The following RBFOX1 variants were observed in gnomAD, a reference collection of about 807,000 sequenced individuals.
The protein encoded by RBFOX1 is RNA binding fox-1 homolog 1.
Under a neutral mutation model 57.7 loss-of-function variants are expected in RBFOX1, and 8 were observed. The observed-to-expected ratio is 0.14, with a 90% CI of 0.08 to 0.25. The LOEUF is 0.25. Among genes scored for constraint, RBFOX1 ranks in the 10% least tolerant of loss-of-function variants. The pLI is 1.00. For missense variants in RBFOX1, 611 were observed against 548.5 expected (o/e 1.11, Z -1.14); for synonymous variants, 326 against 222.4 (o/e 1.47, Z -4.15).
At chr16:5,242,548 G>C (rs571112868) in intron 1 of RBFOX1, among the ~76,000 whole-genome samples, 1 of 152,312 alleles carries the variant, frequency 6.6e-6, no homozygotes, top group African/African-American at 2.4e-5. Flanking sequence ...GTGAGAATCA[G>C]CAGCGATTTC....
intron 3 of RBFOX1, among the ~76,000 whole-genome samples, chr16:5,718,193 G>A (rs1275489449): frequency 1.3e-5 from 2 of 152,198 alleles, no homozygotes; most frequent in African/African-American, 4.8e-5. Context: ...CTTTAAGCTT[G>A]TGCTCAACAG....
At chr16:5,958,667 A>C (rs899370388) in intron 4 of RBFOX1, among the ~76,000 whole-genome samples, 19 of 152,230 alleles carry the variant, frequency 1.2e-4, no homozygotes, top group Admixed American at 8.5e-4. Flanking sequence ...ATTCTCTTAC[A>C]GATCTGGACG....
intron 2 of RBFOX1, among the ~76,000 whole-genome samples, chr16:6,550,526 A>G (rs758585010): frequency 1.2e-4 from 19 of 152,014 alleles, no homozygotes; most frequent in Admixed American, 5.2e-4. Flanking sequence ...GGGTTTCATG[A>G]TGTTGACCAA....
rs2095029828 is a variant in RBFOX1 at position 6,019,694 on chromosome 16, T to C, written c.-425T>C. 2.2e-6 allele frequency: 3 copies of C among 1,340,730 alleles called. No individual in the cohort carries two copies. Among genetic ancestry groups the C allele is most frequent in the Admixed American group, 3.4e-5 (1 of 29,606 alleles). The allele number at this position is 1,340,730 out of a possible 1,614,324, so 83.1% of individuals were successfully genotyped here. ...CGGAGCAGGAGAACTCCGAGCTTCT[T>C]GCCCAGGCAGAGAGAGCAGGAGCGG... On this transcript the variant is annotated 5_prime_UTR_variant, in exon 1 of 16. Coordinates refer to ENST00000550418, the MANE Select transcript of RBFOX1 (RefSeq NM_018723.4). The surrounding 1 kb of genome is among the most constrained non-coding windows in gnomAD (Gnocchi z 4.2).
At chr16:5,327,047 G>A (rs2064596332) in intron 1 of RBFOX1, among the ~76,000 whole-genome samples, 1 of 152,214 alleles carries the variant, frequency 6.6e-6, no homozygotes, top group Non-Finnish European at 1.5e-5. Flanking sequence ...GCCAGAAAAT[G>A]CTATGGGAAA....
chr16:6,756,590 A>T (rs890364132), intron 3 of RBFOX1, among the ~76,000 whole-genome samples: 3 of 152,200 alleles, frequency 2.0e-5, no homozygotes, highest in African/African-American at 7.2e-5. Context: ...AGAATATATG[A>T]CAAGGAACAC....
At chr16:5,589,143 C>A (rs2046926972) in intron 2 of RBFOX1, among the ~76,000 whole-genome samples, 1 of 152,324 alleles carries the variant, frequency 6.6e-6, no homozygotes, top group East Asian at 1.9e-4. Flanking sequence ...TTTCCCCAAT[C>A]TGCTGGGTCC....
At chr16:5,458,382 G>A (rs1011506330) in intron 1 of RBFOX1, among the ~76,000 whole-genome samples, 1 of 152,122 alleles carries the variant, frequency 6.6e-6, no homozygotes, top group East Asian at 1.9e-4. Flanking sequence ...GGTGTAGCCG[G>A]GAGGGCACCA....
chr16:6,150,391 G>A (rs2096789279), intron 1 of RBFOX1, among the ~76,000 whole-genome samples: 1 of 152,024 alleles, frequency 6.6e-6, no homozygotes, highest in Non-Finnish European at 1.5e-5. Flanking sequence ...TCTATCTCAA[G>A]GCATGTGTAA....
intron 1 of RBFOX1, among the ~76,000 whole-genome samples, chr16:5,296,353 A>C (rs1169755849): frequency 2.0e-5 from 3 of 152,136 alleles, no homozygotes; most frequent in Non-Finnish European, 4.4e-5. Context: ...ACAGCTTCCC[A>C]CACTGTCATG....
At chr16:5,738,808 A>T (rs1196383092) in intron 3 of RBFOX1, among the ~76,000 whole-genome samples, 2 of 152,194 alleles carry the variant, frequency 1.3e-5, no homozygotes, top group African/African-American at 4.8e-5. Flanking sequence ...TCACAGTGGA[A>T]TGCCAAACAT....
intron 3 of RBFOX1, among the ~76,000 whole-genome samples, chr16:6,871,679 A>C (rs1375000584): frequency 6.6e-6 from 1 of 151,132 alleles, no homozygotes; most frequent in Non-Finnish European, 1.5e-5. Context: ...TTCTTCCTCC[A>C]CTCTTGTCCC....
At chr16:6,031,288 C>T (rs2095285279) in intron 1 of RBFOX1, among the ~76,000 whole-genome samples, 1 of 152,088 alleles carries the variant, frequency 6.6e-6, no homozygotes, top group Non-Finnish European at 1.5e-5. Context: ...TCTGCACATC[C>T]TGAGAACAGC....
rs2093628661 is a variant in RBFOX1 at position 7,579,991 on chromosome 16, T to A, written c.414+71T>A. On this transcript the variant is annotated intron_variant, in intron 6 of 15. Transcript: ENST00000550418. ...AGAGACCTCCCTGTCTCATGTAAGT[T>A]TGGGGTATTTACAATACTAAGGTTA... 11 of 1,528,160 alleles carry A rather than the reference T, an allele frequency of 7.2e-6. No homozygotes were observed. The Admixed American group carries it at 1.9e-4, about 27-fold the overall frequency. The allele number at this position is 1,528,160 out of a possible 1,614,324, so 94.7% of individuals were successfully genotyped here. A position where few individuals can be genotyped will look rare whatever the true frequency, so the allele number is the denominator to read the frequency against.
chr16:5,820,647 C>T (rs1479816326), intron 3 of RBFOX1, among the ~76,000 whole-genome samples: 1 of 152,176 alleles, frequency 6.6e-6, no homozygotes, highest in Non-Finnish European at 1.5e-5. Context: ...CCCCATGAAT[C>T]AGCTCTGAAA....
At chr16:6,761,283 G>A (rs1375821784) in intron 3 of RBFOX1, among the ~76,000 whole-genome samples, 1 of 152,080 alleles carries the variant, frequency 6.6e-6, no homozygotes, top group Non-Finnish European at 1.5e-5. Context: ...GTGATTCAGA[G>A]AACTGACACT....
intron 3 of RBFOX1, among the ~76,000 whole-genome samples, chr16:6,941,002 C>CGG (rs1431858020): frequency 6.6e-6 from 1 of 151,860 alleles, no homozygotes; most frequent in African/African-American, 2.4e-5. Context: ...CCACCACACC[C>CGG]GGCCCCCCTT....
At chr16:7,263,071 G>T (rs927668221) in intron 4 of RBFOX1, among the ~76,000 whole-genome samples, 1 of 152,208 alleles carries the variant, frequency 6.6e-6, no homozygotes, top group Non-Finnish European at 1.5e-5. Context: ...CTTAGAGTCT[G>T]TCCACAACCT....
intron 1 of RBFOX1, among the ~76,000 whole-genome samples, chr16:6,232,711 C>T (rs941193136): frequency 6.6e-6 from 1 of 152,132 alleles, no homozygotes; most frequent in African/African-American, 2.4e-5. Context: ...TTGTGCCTGC[C>T]TGTCTCTGAG....
Sources: allele counts gnomAD v4.1 joint callset (sites outside exome capture counted in the v4.1 genomes callset), GRCh38; gene constraint gnomAD v4.1.1; non-coding constraint Gnocchi (gnomAD v3.1); transcripts MANE v1.5; gene names NCBI Gene and HGNC (gene_info 2026-07-23, HGNC 2026-07-21).